Variants in SHANK2 observed in about 807,000 individuals in gnomAD.
The protein encoded by SHANK2 is SH3 and multiple ankyrin repeat domains 2, also known as SH3 and multiple ankyrin repeat domains protein 2.
SHANK2 carries 43 observed loss-of-function variants against 133.7 expected under a neutral mutation model. The observed-to-expected ratio is 0.32, with a 90% CI of 0.25 to 0.41. SHANK2 has a LOEUF of 0.41. Among genes scored for constraint, SHANK2 ranks in the 10% least tolerant of loss-of-function variants. The pLI is 1.00. For missense variants in SHANK2, 1,994 were observed against 2,235.8 expected (o/e 0.89, Z 2.18); for synonymous variants, 1,017 against 952.8 (o/e 1.07, Z -1.24).
chr11:70,539,310 A>G (rs190297428), intron 17 of SHANK2, among the ~76,000 whole-genome samples: 46 of 152,338 alleles, frequency 3.0e-4, no homozygotes, highest in African/African-American at 1.0e-3. Context: ...ACAGCCTTGG[A>G]TGGACTGGAG....
Position 70,855,633 on chromosome 11 carries a change from G to T in SHANK2, c.1175-34951C>A, listed in dbSNP as rs149407356. On this transcript the variant is annotated intron_variant, in intron 11 of 25. Transcript: ENST00000601538. Reference sequence around the variant, plus strand: ...GGTCTCCAACTTCACAAGAGGTAACGCTAAACCAGCAGACCCTGAGGGCAG... The same window carrying T: ...GGTCTCCAACTTCACAAGAGGTAACTCTAAACCAGCAGACCCTGAGGGCAG... 4.0e-3 allele frequency among the ~76,000 whole-genome samples: 610 copies of T among 152,324 alleles called. 2 individuals carry two copies. Among genetic ancestry groups the T allele is most frequent in the Non-Finnish European group, 5.7e-3 (390 of 68,046 alleles).
Position 70,485,803 on chromosome 11 carries a change from C to T in SHANK2, c.4490G>A (p.Arg1497Gln), listed in dbSNP as rs782570465. Residue 1497 changes from arginine to glutamine, a missense_variant, in exon 25 of 26, where the codon CGG (arginine) becomes CAG (glutamine). By Grantham distance (43) the Arg-to-Gln change is conservative. Coordinates refer to ENST00000601538, the MANE Select transcript of SHANK2 (RefSeq NM_012309.5). This position sits in a 1 kb window ranked among gnomAD's most constrained non-coding sequence, Gnocchi z 5.8. ...CTCGAGGTGGTGGTCGCTGCTACTC[C>T]GGCTGTCCACCTCCTCGATCCCAGA... ...ADSGIEEVDS[R>Q]SSSDHHLETT... is the part of the protein sequence containing the mutation. 13 of 1,613,742 alleles carry T rather than the reference C, an allele frequency of 8.1e-6. No individual in the cohort carries two copies. Among genetic ancestry groups the T allele is most frequent in the Admixed American group, 3.3e-5 (2 of 59,992 alleles).
At chr11:70,886,721 A>G (rs67146736) in intron 11 of SHANK2, among the ~76,000 whole-genome samples, 2 of 91,268 alleles carry the variant, frequency 2.2e-5, no homozygotes, top group African/African-American at 6.3e-5. Context: ...ACACACACAC[A>G]CCCCTAACAT....
At position 70,751,991 on chromosome 11, in the gene SHANK2, G is replaced by A. The variant is rs1399023808; in HGVS notation, c.1777+46452C>T. 2.0e-5 allele frequency among the ~76,000 whole-genome samples: 3 copies of A among 151,978 alleles called. No individual in the cohort carries two copies. In the South Asian group the frequency reaches 6.2e-4, roughly 32 times the overall value. Reference sequence around the variant, plus strand: ...TGCAAAGGAAACAAATAGAAAATAAGAAATAAAATGGTAGATATAAATACT... The same window carrying A: ...TGCAAAGGAAACAAATAGAAAATAAAAAATAAAATGGTAGATATAAATACT... On this transcript the variant is annotated intron_variant, in intron 14 of 25. Transcript: ENST00000601538.
intron 12 of SHANK2, among the ~76,000 whole-genome samples, chr11:70,818,771 A>G (rs1555055071): frequency 6.6e-6 from 1 of 152,146 alleles, no homozygotes; most frequent in Non-Finnish European, 1.5e-5. Context: ...CTCTAAGAGG[A>G]TCAGGCCTCG....
chr11:70,943,921 T>C, intron 10 of SHANK2: 2 of 456,668 alleles, frequency 4.4e-6, no homozygotes, highest in Non-Finnish European at 4.4e-6. Flanking sequence ...CGTCTTGATT[T>C]CCTTCTGTTT....
chr11:71,253,059 G>A (rs1405308937), upstream of SHANK2, among the ~76,000 whole-genome samples: 2 of 152,206 alleles, frequency 1.3e-5, no homozygotes, highest in Non-Finnish European at 2.9e-5. Context: ...GGCGTCTGCT[G>A]CCCAGGCCAC....
At chr11:70,514,782 CTAAAA>C (rs1176960717) in intron 17 of SHANK2, among the ~76,000 whole-genome samples, 1 of 151,992 alleles carries the variant, frequency 6.6e-6, no homozygotes, top group East Asian at 1.9e-4. Context: ...GTTAAATAAT[CTAAAA>C]TAAGGCAGAA....
At chr11:70,708,102 C>T (rs1474414156) in intron 14 of SHANK2, among the ~76,000 whole-genome samples, 2 of 152,226 alleles carry the variant, frequency 1.3e-5, no homozygotes, top group African/African-American at 4.8e-5. Context: ...CTTCTGCCCT[C>T]GATGACCAGG....
At chr11:71,097,680 G>A (rs1156963093) in intron 6 of SHANK2, among the ~76,000 whole-genome samples, 2 of 152,052 alleles carry the variant, frequency 1.3e-5, no homozygotes, top group Non-Finnish European at 2.9e-5. Context: ...GGGGCTCCCG[G>A]AAGCGCAGCA....
At chr11:71,153,614 C>G (rs1276022887) in intron 2 of SHANK2, among the ~76,000 whole-genome samples, 2 of 152,172 alleles carry the variant, frequency 1.3e-5, no homozygotes, top group Admixed American at 6.5e-5. Flanking sequence ...AAAAACCTCA[C>G]GGCCAGCGCT....
At chr11:71,228,379 A>C (rs1325555300) in intron 1 of SHANK2, among the ~76,000 whole-genome samples, 1 of 152,204 alleles carries the variant, frequency 6.6e-6, no homozygotes, top group Non-Finnish European at 1.5e-5. Flanking sequence ...TTCTTCCAGA[A>C]AGTAGAATAG....
intron 10 of SHANK2, among the ~76,000 whole-genome samples, chr11:70,928,155 C>G (rs1950454032): frequency 6.6e-6 from 1 of 152,122 alleles, no homozygotes; most frequent in Non-Finnish European, 1.5e-5. Flanking sequence ...CCTGTCGACA[C>G]CACAAACTGC....
At chr11:70,518,503 G>A (rs538560460) in intron 17 of SHANK2, among the ~76,000 whole-genome samples, 100 of 152,308 alleles carry the variant, frequency 6.6e-4, no homozygotes, top group African/African-American at 2.4e-3. Context: ...AGATGCACAC[G>A]TCACATCTGG....
chr11:71,148,901 C>T (rs1488401919), intron 2 of SHANK2, among the ~76,000 whole-genome samples: 8 of 152,190 alleles, frequency 5.3e-5, no homozygotes, highest in Admixed American at 1.3e-4. Flanking sequence ...CCGTGCGTAA[C>T]GGCACAGAAG....
intron 1 of SHANK2, among the ~76,000 whole-genome samples, chr11:71,236,461 A>C (rs2135789200): frequency 6.6e-6 from 1 of 152,222 alleles, no homozygotes; most frequent in African/African-American, 2.4e-5. Flanking sequence ...AAAATATAAA[A>C]ATTAGCCATG....
At chr11:70,686,449 C>T (rs1237471967) in intron 15 of SHANK2, among the ~76,000 whole-genome samples, 2 of 151,948 alleles carry the variant, frequency 1.3e-5, no homozygotes, top group Non-Finnish European at 2.9e-5. Flanking sequence ...TCTACCCATC[C>T]ACACACCCAT....
At chr11:70,520,522 A>G (rs2059317580) in intron 17 of SHANK2, among the ~76,000 whole-genome samples, 1 of 152,196 alleles carries the variant, frequency 6.6e-6, no homozygotes, top group South Asian at 2.1e-4. Context: ...ACTGTCACCA[A>G]GACTTTTCGC....
chr11:71,183,672 G>T (rs1953609576), intron 2 of SHANK2, among the ~76,000 whole-genome samples: 1 of 152,158 alleles, frequency 6.6e-6, no homozygotes, highest in African/African-American at 2.4e-5. Flanking sequence ...AGAGATGACT[G>T]GGGGCAGGTG....
Sources: allele counts gnomAD v4.1 joint callset (sites outside exome capture counted in the v4.1 genomes callset), GRCh38; gene constraint gnomAD v4.1.1; non-coding constraint Gnocchi (gnomAD v3.1); transcripts MANE v1.5; gene names NCBI Gene and HGNC (gene_info 2026-07-23, HGNC 2026-07-21).